TBR1: variants seen among roughly 807,000 people sequenced by gnomAD.
TBR1 encodes the protein T-box brain protein 1.
TBR1 carries 7 observed loss-of-function variants against 60.3 expected under a neutral mutation model. The ratio of observed to expected loss-of-function variants is 0.12; its 90% CI spans 0.07 to 0.22. The LOEUF is 0.22. Ranked by LOEUF, TBR1 falls within the 10% of genes least tolerant of loss-of-function variation. The pLI, the probability that TBR1 is intolerant of heterozygous loss-of-function variation, is 1.00. For missense variants in TBR1, 616 were observed against 936.8 expected, an observed-to-expected ratio of 0.66 and a Z score of 4.47; for synonymous variants, 417 against 409.9, an observed-to-expected ratio of 1.02 and a Z score of -0.21.
rs747370278 is a variant in TBR1 at position 161,416,557 on chromosome 2, T to A, written c.147T>A (p.Ser49Arg). ...IISTTDNLER[S>R]SPLKKITRGM... ...CGACCACTGACAACCTGGAGAGAAG[T>A]TCACCTTTGAAAAAAATTACCAGGG... The change falls in exon 1 of 6, where the codon AGT becomes AGA. Residue 49 changes from serine to arginine, a missense_variant. This residue lies in a region of TBR1 where 211 missense variants were observed against 268.7 expected (regional missense o/e 0.79). Coordinates refer to ENST00000389554, the MANE Select transcript of TBR1 (RefSeq NM_006593.4). The surrounding 1 kb of genome is among the most constrained non-coding windows in gnomAD (Gnocchi z 6.1). 5 of 1,614,012 alleles carry A rather than the reference T, an allele frequency of 3.1e-6. No individual in the cohort carries two copies. The highest frequency in any genetic ancestry group is 1.1e-5 in the South Asian group (1 of 91,058).
intron 5 of TBR1, chr2:161,422,545 C>T (rs1684249460): frequency 6.6e-6 from 1 of 152,214 alleles, no homozygotes; most frequent in South Asian, 2.1e-4. Flanking sequence ...CTGATAAGTA[C>T]ACTGTAGGTT....
intron 5 of TBR1, chr2:161,423,053 G>T: frequency 3.5e-6 from 1 of 282,176 alleles, no homozygotes; most frequent in East Asian, 5.9e-5. Flanking sequence ...CCTTGCTTGT[G>T]CCCCTCTCTC....
At chr2:161,418,784 T>C in intron 3 of TBR1, 108 bp from the exon 4 acceptor site, 1 of 1,435,188 alleles carries the variant, frequency 7.0e-7, no homozygotes, top group Non-Finnish European at 9.3e-7. Context: ...GAAGGCGGGC[T>C]GCAGGCTGCC....
rs761462144 is a variant in TBR1, at chr2:161,418,972, T to G, written c.1050T>G (p.Thr350=). Residue 350 remains threonine (T), a synonymous_variant, in exon 4 of 6, where the codon ACT becomes ACG. Transcript: ENST00000389554. ...TGAACGAGGACGGCACGGAGGACACTAGCCAGCCCGGCCGCGTGCAGACGT... is the reference window on the plus strand; with the variant it reads ...TGAACGAGGACGGCACGGAGGACACGAGCCAGCCCGGCCGCGTGCAGACGT... ...VEVNEDGTED[T]SQPGRVQTFT... 3 of 1,614,082 alleles carry G rather than the reference T, an allele frequency of 1.9e-6. No individual in the cohort carries two copies. In the African/African-American group the frequency reaches 4.0e-5, roughly 22 times the overall value.
In TBR1 at chr2:161,416,308, G is replaced by T; in HGVS notation, c.-103G>T. ...AACCTTTGAGAAGCATTTGCTGGTT[G>T]AAGTGCTTTCTGTCTAGTGAGGGGG... On this transcript the variant is annotated 5_prime_UTR_variant, in exon 1 of 6. Coordinates refer to ENST00000389554, the MANE Select transcript of TBR1 (RefSeq NM_006593.4). This position sits in a 1 kb window ranked among gnomAD's most constrained non-coding sequence, Gnocchi z 6.1. 1.1e-6 allele frequency: 1 copy of T among 940,894 alleles called. No homozygotes were observed. Among genetic ancestry groups the T allele is most frequent in the East Asian group, 2.4e-5 (1 of 40,822 alleles). 58.3% of individuals were successfully genotyped at this position (940,894 alleles called of 1,614,324 possible).
intron 2 of TBR1, 94 bp from the exon 3 acceptor site, chr2:161,418,087 GGTGTGTGTATGTGTGTGTGT>G: frequency 1.4e-6 from 2 of 1,388,800 alleles, no homozygotes; most frequent in East Asian, 2.7e-5. Flanking sequence ...GGTGGAGTAA[GGTGTGTGTATGTGTGTGTGT>G]GTGTGTGTGT....
chr2:161,424,905 A>C lies in TBR1; in HGVS notation c.*678A>C, dbSNP rs1458151962. 1 of 149,518 alleles carries C rather than the reference A, an allele frequency of 6.7e-6. No individual in the cohort carries two copies. Among genetic ancestry groups the C allele is most frequent in the Non-Finnish European group, 1.5e-5 (1 of 67,114 alleles). The allele number at this position is 149,518 out of a possible 1,614,324, so 9.3% of individuals were successfully genotyped here. A position where few individuals can be genotyped will look rare whatever the true frequency, so the allele number is the denominator to read the frequency against. ...CATACTTTCTCTTCTCTCTCTTTTA[A>C]TTTTCTTGTGAGATAATATTCTAAG... On this transcript the variant is annotated 3_prime_UTR_variant, in exon 6 of 6. Transcript: ENST00000389554. The surrounding 1 kb of genome is among the most constrained non-coding windows in gnomAD (Gnocchi z 4.4).
chr2:161,422,345 T>C (rs1221443858), intron 5 of TBR1: 2 of 152,256 alleles, frequency 1.3e-5, no homozygotes, highest in Non-Finnish European at 2.9e-5. Context: ...TAATCTTTGA[T>C]TATTTTATCT....
rs1684144419 is a variant in TBR1 at position 161,417,600 on chromosome 2, C to T, written c.693-76C>T. 1.3e-6 allele frequency: 2 copies of T among 1,530,920 alleles called. No homozygotes were observed. The highest frequency in any genetic ancestry group is 2.1e-5 in the Admixed American group (1 of 48,372). 94.8% of individuals were successfully genotyped at this position (1,530,920 alleles called of 1,614,324 possible). A position where few individuals can be genotyped will look rare whatever the true frequency, so the allele number is the denominator to read the frequency against. On this transcript the variant is annotated intron_variant, in intron 1 of 5. Transcript: ENST00000389554. This position sits in a 1 kb window ranked among gnomAD's most constrained non-coding sequence, Gnocchi z 5.3. ...AGTTTTGCTTTGCTAACTGGCGCCC[C>T]GCTTCTTGCATTTAATCTTTAACAT...
rs772249348 is a variant in TBR1, at chr2:161,424,087, C to T, written c.1909C>T (p.Arg637Trp). ...SDSGIYEQAK[R>W]RRISPADTPV... Reference sequence around the variant, plus strand: ...CTCGGGGATTTACGAGCAGGCCAAGCGGAGGCGGATCTCGCCGGCCGACAC... The same window carrying T: ...CTCGGGGATTTACGAGCAGGCCAAGTGGAGGCGGATCTCGCCGGCCGACAC... The change falls in exon 6 of 6, where the codon CGG (arginine) becomes TGG (tryptophan). Residue 637 changes from arginine (R) to tryptophan (W), a missense_variant. By Grantham distance (101) the Arg-to-Trp change is moderately radical. This residue lies in a region of TBR1 where 210 missense variants were observed against 297.4 expected (regional missense o/e 0.71). Coordinates refer to ENST00000389554, the MANE Select transcript of TBR1 (RefSeq NM_006593.4). This position sits in a 1 kb window ranked among gnomAD's most constrained non-coding sequence, Gnocchi z 4.4. The T allele has an allele frequency of 6.2e-7, 1 of 1,611,594 alleles. No individual in the cohort carries two copies.
In TBR1 at chr2:161,417,306, G is replaced by T; in HGVS notation, c.692+204G>T. On this transcript the variant is annotated intron_variant, in intron 1 of 5. Transcript: ENST00000389554. The surrounding 1 kb of genome is among the most constrained non-coding windows in gnomAD (Gnocchi z 5.3). ...GGGGGGACCCCGTTCTAGGAACATA[G>T]TGGGAGAGCCAGTCAGTGGCCAGAG... 1.6e-6 allele frequency: 1 copy of T among 615,802 alleles called. No individual in the cohort carries two copies. Among genetic ancestry groups the T allele is most frequent in the Non-Finnish European group, 2.8e-6 (1 of 361,508 alleles). The allele number at this position is 615,802 out of a possible 1,614,324, so 38.1% of individuals were successfully genotyped here. A position where few individuals can be genotyped will look rare whatever the true frequency, so the allele number is the denominator to read the frequency against.
rs2105283636 is a variant in TBR1 at position 161,425,494 on chromosome 2, C to T, written c.*1267C>T. ...AACACTAGCATTAATGCAAGTAAGA[C>T]TGATTTTCCCCTAAGTCTTGTTATA... On this transcript the variant is annotated 3_prime_UTR_variant, in exon 6 of 6. Transcript: ENST00000389554. 1 of 152,232 alleles carries T rather than the reference C, an allele frequency of 6.6e-6. No homozygotes were observed. Among genetic ancestry groups the T allele is most frequent in the African/African-American group, 2.4e-5 (1 of 41,532 alleles). The allele number at this position is 152,232 out of a possible 1,614,324, so 9.4% of individuals were successfully genotyped here. A position where few individuals can be genotyped will look rare whatever the true frequency, so the allele number is the denominator to read the frequency against.
chr2:161,419,168 G>A, intron 4 of TBR1, 118 bp downstream of exon 4: 2 of 1,470,192 alleles, frequency 1.4e-6, no homozygotes, highest in South Asian at 2.4e-5. Context: ...GCAACAGCTG[G>A]CTCCGCTGTG....
intron 5 of TBR1, chr2:161,420,486 C>T (rs972126442): frequency 1.9e-5 from 5 of 260,408 alleles, no homozygotes; most frequent in Non-Finnish European, 2.6e-5. Flanking sequence ...TTGGTACTTG[C>T]GTGGTTTTTG....
At chr2:161,423,304 A>ACCC in intron 5 of TBR1, 65 bp from the exon 6 acceptor site, 1 of 193,210 alleles carries the variant, frequency 5.2e-6, no homozygotes, top group Non-Finnish European at 9.4e-6. Flanking sequence ...TTCTGCCCCC[A>ACCC]CCCCCACCCC....
At chr2:161,419,711 T>G (rs1684197796) in intron 4 of TBR1, 1 of 152,410 alleles carries the variant, frequency 6.6e-6, no homozygotes. Context: ...TTTTTTTACT[T>G]AAATGATAAT....
At chr2:161,420,997 C>T (rs1684222907) in intron 5 of TBR1, 1 of 152,262 alleles carries the variant, frequency 6.6e-6, no homozygotes, top group South Asian at 2.1e-4. Context: ...CCTTACCTCC[C>T]TCCTTTCTAT....
Position 161,417,657 on chromosome 2 carries a change from C to T in TBR1, c.693-19C>T, listed in dbSNP as rs750974575. 9 of 1,606,524 alleles carry T rather than the reference C, an allele frequency of 5.6e-6. No homozygotes were observed. In the Admixed American group the frequency reaches 8.5e-5, roughly 15 times the overall value. Reference sequence around the variant, plus strand: ...TTCTTTTTTCCTTGTTTTCTCCCCCCACCCCTTAATTTAAATAGGCGCATG... The same window carrying T: ...TTCTTTTTTCCTTGTTTTCTCCCCCTACCCCTTAATTTAAATAGGCGCATG... On this transcript the variant is annotated intron_variant, in intron 1 of 5. Coordinates refer to ENST00000389554, the MANE Select transcript of TBR1 (RefSeq NM_006593.4). The surrounding 1 kb of genome is among the most constrained non-coding windows in gnomAD (Gnocchi z 5.3).
At position 161,418,587 on chromosome 2, in the gene TBR1, A is replaced by C. The variant is rs1684173113; in HGVS notation, c.969+265A>C. 9.2e-6 allele frequency: 5 copies of C among 545,994 alleles called. No individual in the cohort carries two copies. The Middle Eastern group carries it at 2.4e-3, about 263-fold the overall frequency. 33.8% of individuals were successfully genotyped at this position (545,994 alleles called of 1,614,324 possible). On this transcript the variant is annotated intron_variant, in intron 3 of 5. Coordinates refer to ENST00000389554, the MANE Select transcript of TBR1 (RefSeq NM_006593.4). The stretch of plus-strand genomic sequence containing the variant: ...TGATTTTGAGAAGAAACCCCACAAG[A>C]TCTGCAGGTTGTGGAAATCTTTGTT...
Sources: gnomAD v4.1 joint callset for allele counts on GRCh38, gnomAD v4.1.1 for gene constraint, gnomAD v4.1.1 regional missense constraint, Gnocchi (gnomAD v3.1) non-coding constraint, MANE v1.5 for transcripts, NCBI Gene and HGNC (gene_info 2026-07-23, HGNC 2026-07-21) for gene names.